CDH1: variants seen among roughly 807,000 people sequenced by gnomAD.
CDH1 encodes cadherin-1.
In CDH1, 35 loss-of-function variants were observed where a neutral mutation model predicts 84.5. That is an observed-to-expected ratio of 0.41 (90% CI 0.32 to 0.55). The LOEUF is 0.55. Ranked by LOEUF, CDH1 falls within the 20% of genes least tolerant of loss-of-function variation. CDH1 has a pLI of 0.19. For synonymous variants in CDH1, 417 were observed against 439.0 expected, an observed-to-expected ratio of 0.95 and a Z score of 0.63; for missense variants, 994 against 1,126.6, an observed-to-expected ratio of 0.88 and a Z score of 1.68.
chr16:68,760,524 C>G (rs559411321), intron 2 of CDH1, among the ~76,000 whole-genome samples: 1 of 152,204 alleles, frequency 6.6e-6, no homozygotes, highest in African/African-American at 2.4e-5. Flanking sequence ...GAATTTTGCC[C>G]CTCCTTTATA....
At chr16:68,796,660 C>T (rs776373469) in intron 2 of CDH1, among the ~76,000 whole-genome samples, 3 of 152,000 alleles carry the variant, frequency 2.0e-5, no homozygotes, top group Non-Finnish European at 4.4e-5. Context: ...CTACTTTTGC[C>T]CAGTAGGCTA....
At chr16:68,807,101 T>C (rs1006919225) in intron 3 of CDH1, among the ~76,000 whole-genome samples, 2 of 152,208 alleles carry the variant, frequency 1.3e-5, no homozygotes, top group Admixed American at 1.3e-4. Context: ...TTAAACAATT[T>C]GGCAAATATT....
chr16:68,738,398 C>A lies in CDH1; in HGVS notation c.150C>A (p.Arg50=), dbSNP rs786201262. Reference sequence around the variant, plus strand: ...CCCGGCGCCACCTGGAGAGAGGCCGCGTCCTGGGCAGAGGTGAGGGCGCGC... The same window carrying A: ...CCCGGCGCCACCTGGAGAGAGGCCGAGTCCTGGGCAGAGGTGAGGGCGCGC... The part of the protein sequence containing the change: ...TVPRRHLERG[R]VLGRVNFEDC... The change falls in exon 2 of 16, where the codon CGC becomes CGA. Residue 50 remains arginine, a synonymous_variant. Transcript: ENST00000261769. The A allele has an allele frequency of 4.5e-6, 7 of 1,548,690 alleles. No homozygotes were observed. The highest frequency in any genetic ancestry group is 5.2e-6 in the Non-Finnish European group (6 of 1,145,178).
At chr16:68,811,308 A>C (rs8059669) in intron 6 of CDH1, among the ~76,000 whole-genome samples, 24,067 of 150,956 alleles carry the variant, frequency 0.16, 2,208 homozygotes, top group East Asian at 0.3. Context: ...GAAGCAGGAG[A>C]ATTGCTTGAA....
At position 68,821,916 on chromosome 16, in the gene CDH1, C is replaced by G. The variant is rs950045476; in HGVS notation, c.1712-85C>G. 1.6e-5 allele frequency: 17 copies of G among 1,084,844 alleles called. No individual in the cohort carries two copies. The African/African-American group carries it at 2.3e-4, about 15-fold the overall frequency. 67.2% of individuals were successfully genotyped at this position (1,084,844 alleles called of 1,614,324 possible). ...GTGAGGGACCACTGAAGAGCCAGGA[C>G]AAGATCTAGACTTGGTCTGGTGGAA... On this transcript the variant is annotated intron_variant, in intron 11 of 15. Coordinates refer to ENST00000261769, the MANE Select transcript of CDH1 (RefSeq NM_004360.5).
chr16:68,753,320 C>T (rs1418513783), intron 2 of CDH1, among the ~76,000 whole-genome samples: 2 of 150,268 alleles, frequency 1.3e-5, no homozygotes, highest in Non-Finnish European at 3.0e-5. Context: ...TGAGAGAGTA[C>T]TGTAGGGCAA....
intron 5 of CDH1, among the ~76,000 whole-genome samples, chr16:68,809,226 CTTT>C (rs536314715): frequency 5.9e-5 from 8 of 135,414 alleles, no homozygotes; most frequent in Admixed American, 7.4e-5. Flanking sequence ...ACCAAGAGGT[CTTT>C]TTTTTTTTTT....
At chr16:68,763,371 G>T (rs1341651648) in intron 2 of CDH1, 1 of 152,302 alleles carries the variant, frequency 6.6e-6, no homozygotes, top group Non-Finnish European at 1.5e-5. Flanking sequence ...GGGAAAATGG[G>T]ACAGGAGCCT....
At chr16:68,790,610 G>C (rs1195383642) in intron 2 of CDH1, among the ~76,000 whole-genome samples, 1 of 152,142 alleles carries the variant, frequency 6.6e-6, no homozygotes, top group African/African-American at 2.4e-5. Flanking sequence ...CCCTAAGACA[G>C]GTGGGGAAGC....
At chr16:68,767,024 G>A (rs559817160) in intron 2 of CDH1, among the ~76,000 whole-genome samples, 7 of 152,020 alleles carry the variant, frequency 4.6e-5, no homozygotes, top group African/African-American at 1.7e-4. Context: ...ACTGCGCCCC[G>A]CCTAGACCCC....
Position 68,760,084 on chromosome 16 carries a change from A to AT in CDH1, c.163+21674dup, listed in dbSNP as rs1426973161. On this transcript the variant is annotated intron_variant, in intron 2 of 15. Transcript: ENST00000261769. ...GTCTTGTAAAGTATTCCATATATAT[A>AT]TATTTTTTTTTTTTTTTTAATTTTT... Among the ~76,000 whole-genome samples, 84 of 105,234 alleles carry AT rather than the reference A, an allele frequency of 8.0e-4. 1 individual carries two copies. The highest frequency in any genetic ancestry group is 2.4e-3 in the African/African-American group (83 of 33,898). The allele number at this position is 105,234 out of a possible 152,430, so 69.0% of individuals were successfully genotyped here.
rs553528903 is a variant in CDH1 at position 68,819,761 on chromosome 16, C to G, written c.1711+336C>G. 9.2e-5 allele frequency among the ~76,000 whole-genome samples: 14 copies of G among 152,240 alleles called. 1 individual carries two copies. The highest frequency in any genetic ancestry group is 3.4e-3 in the Middle Eastern group (1 of 294). Reference sequence around the variant, plus strand: ...ATCTACATCCATGTGTACACATTATCGAACTCCGACTTCTAAGTGAGAACA... The same window carrying G: ...ATCTACATCCATGTGTACACATTATGGAACTCCGACTTCTAAGTGAGAACA... On this transcript the variant is annotated intron_variant, in intron 11 of 15. Transcript: ENST00000261769.
chr16:68,817,844 G>C (rs1961021336), intron 10 of CDH1, among the ~76,000 whole-genome samples: 1 of 152,170 alleles, frequency 6.6e-6, no homozygotes, highest in Non-Finnish European at 1.5e-5. Flanking sequence ...GAATCCAGAA[G>C]GGTGCAAGGT....
intron 2 of CDH1, among the ~76,000 whole-genome samples, chr16:68,777,075 A>C (rs889203572): frequency 6.6e-6 from 1 of 152,160 alleles, no homozygotes; most frequent in African/African-American, 2.4e-5. Context: ...TCTAAGCCTC[A>C]TATCATGAAC....
intron 12 of CDH1, chr16:68,823,189 G>A (rs1030385318): frequency 1.6e-5 from 9 of 551,012 alleles, no homozygotes; most frequent in South Asian, 1.0e-4. Flanking sequence ...ACCAACTCTA[G>A]AGCCCTCTCC....
chr16:68,743,308 T>C (rs926406831), intron 2 of CDH1, among the ~76,000 whole-genome samples: 10 of 17,616 alleles, frequency 5.7e-4, no homozygotes, highest in Non-Finnish European at 1.3e-3. Flanking sequence ...TCTTTCTTTC[T>C]TTCTTTCTTT....
chr16:68,756,089 T>G (rs1340019252), intron 2 of CDH1, among the ~76,000 whole-genome samples: 1 of 151,838 alleles, frequency 6.6e-6, no homozygotes, highest in Admixed American at 6.6e-5. Context: ...AGATTCTTCC[T>G]GCAGAGGGAT....
intron 2 of CDH1, among the ~76,000 whole-genome samples, chr16:68,791,449 A>T (rs1308347409): frequency 6.6e-6 from 1 of 152,042 alleles, no homozygotes; most frequent in Non-Finnish European, 1.5e-5. Flanking sequence ...TGGAGATAGC[A>T]TCTCAATCTG....
intron 10 of CDH1, among the ~76,000 whole-genome samples, chr16:68,817,633 C>T (rs1456034977): frequency 6.6e-6 from 1 of 152,070 alleles, no homozygotes; most frequent in Non-Finnish European, 1.5e-5. Context: ...ACTAGGGAGG[C>T]CACAGCATCA....
Sources: allele counts gnomAD v4.1 joint callset (sites outside exome capture counted in the v4.1 genomes callset), GRCh38; gene constraint gnomAD v4.1.1; transcripts MANE v1.5; gene names NCBI Gene and HGNC (gene_info 2026-07-23, HGNC 2026-07-21).